ROBO1: variants seen among roughly 807,000 people sequenced by gnomAD.
ROBO1 encodes the protein roundabout guidance receptor 1, also known as roundabout homolog 1.
A neutral mutation model predicts 195.9 loss-of-function variants in ROBO1; 149 were observed. That is an observed-to-expected ratio of 0.76 (90% CI 0.67 to 0.87). ROBO1 has a LOEUF of 0.87. Ranked by LOEUF, ROBO1 falls within the 40% of genes least tolerant of loss-of-function variation. The probability of loss-of-function intolerance (pLI) is 0.00; values close to 1 mark genes in which losing one functional copy is unlikely to be tolerated. For synonymous variants in ROBO1, 816 were observed against 733.2 expected (o/e 1.11, Z -1.82); for missense variants, 1,933 against 2,068.3 (o/e 0.93, Z 1.27).
intron 3 of ROBO1, among the ~76,000 whole-genome samples, chr3:79,033,863 G>A (rs1394145541): frequency 6.6e-6 from 1 of 152,060 alleles, no homozygotes; most frequent in Non-Finnish European, 1.5e-5. Flanking sequence ...TAAAACTCGA[G>A]CCATGGTTCT....
chr3:79,008,888 C>CATGTGTGTGTGTGT (rs1553656471), intron 3 of ROBO1, among the ~76,000 whole-genome samples: 1 of 121,230 alleles, frequency 8.2e-6, no homozygotes, highest in African/African-American at 3.2e-5. Flanking sequence ...TGCACCCAGC[C>CATGTGTGTGTGTGT]GTGTGTGTGT....
intron 1 of ROBO1, among the ~76,000 whole-genome samples, chr3:79,670,498 T>C (rs1946601726): frequency 6.6e-6 from 1 of 151,860 alleles, no homozygotes; most frequent in African/African-American, 2.4e-5. Context: ...TATCAACTCA[T>C]ACTCTAAACT....
chr3:79,099,898 T>C (rs988172141), intron 3 of ROBO1, among the ~76,000 whole-genome samples: 1 of 151,782 alleles, frequency 6.6e-6, no homozygotes, highest in Non-Finnish European at 1.5e-5. Context: ...ATGTATTATA[T>C]CCTCTGCAGA....
chr3:79,359,277 AC>A (rs2035674988), intron 2 of ROBO1, among the ~76,000 whole-genome samples: 1 of 151,788 alleles, frequency 6.6e-6, no homozygotes, highest in South Asian at 2.1e-4. Flanking sequence ...TCAAAAACAT[AC>A]CTCACTCTTA....
chr3:79,529,806 G>T (rs1342515485), intron 2 of ROBO1, among the ~76,000 whole-genome samples: 1 of 152,176 alleles, frequency 6.6e-6, no homozygotes, highest in East Asian at 1.9e-4. Context: ...TTGAAAAACA[G>T]CCTTCAACAT....
intron 2 of ROBO1, among the ~76,000 whole-genome samples, chr3:79,147,481 T>C (rs1201996376): frequency 6.6e-6 from 1 of 151,970 alleles, no homozygotes; most frequent in Non-Finnish European, 1.5e-5. Flanking sequence ...ATGATATTCC[T>C]TACACAGCTG....
intron 1 of ROBO1, among the ~76,000 whole-genome samples, chr3:79,745,150 C>T (rs1031746381): frequency 2.6e-5 from 4 of 152,148 alleles, no homozygotes; most frequent in Non-Finnish European, 5.9e-5. Flanking sequence ...CCTAACCACT[C>T]AGTCACAGAG....
At position 78,926,495 on chromosome 3, in the gene ROBO1, G is replaced by A. The variant is rs1328564231; in HGVS notation, c.499+12106C>T. On this transcript the variant is annotated intron_variant, in intron 4 of 30. Transcript: ENST00000464233. ...GAAAGTCGGGAAGAATCAATCGCAGGTTTCTGGTCTGGAGGGTTGGATGGA... is the reference window on the plus strand; with the variant it reads ...GAAAGTCGGGAAGAATCAATCGCAGATTTCTGGTCTGGAGGGTTGGATGGA... Among the ~76,000 whole-genome samples, 3 of 152,248 alleles carry A rather than the reference G, an allele frequency of 2.0e-5. No homozygotes were observed. In the East Asian group the frequency reaches 5.8e-4, roughly 29 times the overall value.
intron 2 of ROBO1, among the ~76,000 whole-genome samples, chr3:79,496,903 A>G (rs759142600): frequency 6.6e-6 from 1 of 152,186 alleles, no homozygotes; most frequent in African/African-American, 2.4e-5. Context: ...TCATTTTCCA[A>G]AACTGGTTGT....
chr3:78,642,019 T>A (rs1203566821), intron 21 of ROBO1, among the ~76,000 whole-genome samples: 2 of 144,366 alleles, frequency 1.4e-5, no homozygotes, highest in East Asian at 4.0e-4. Flanking sequence ...TTTGAGGAAG[T>A]CAAGGTCATA....
At chr3:79,729,464 T>G (rs1246256869) in intron 1 of ROBO1, among the ~76,000 whole-genome samples, 1 of 152,236 alleles carries the variant, frequency 6.6e-6, no homozygotes, top group Non-Finnish European at 1.5e-5. Flanking sequence ...TACATATCTA[T>G]TTAAAAACAA....
At chr3:79,596,601 A>T (rs1355212278) in intron 1 of ROBO1, among the ~76,000 whole-genome samples, 2 of 152,102 alleles carry the variant, frequency 1.3e-5, no homozygotes, top group African/African-American at 4.8e-5. Flanking sequence ...TGATGTATTA[A>T]TTATTATTAG....
chr3:79,577,933 A>G (rs554360808), intron 2 of ROBO1, among the ~76,000 whole-genome samples: 4 of 152,020 alleles, frequency 2.6e-5, no homozygotes, highest in African/African-American at 9.6e-5. Flanking sequence ...ACAAAAAACA[A>G]AAAAACCCAA....
intron 2 of ROBO1, among the ~76,000 whole-genome samples, chr3:79,414,197 CTT>C (rs1181137341): frequency 6.6e-6 from 1 of 151,272 alleles, no homozygotes; most frequent in African/African-American, 2.4e-5. Flanking sequence ...CTCTCTCTCT[CTT>C]TCTCTCTCTC....
intron 1 of ROBO1, among the ~76,000 whole-genome samples, chr3:79,714,945 A>G (rs963594042): frequency 2.0e-5 from 3 of 151,566 alleles, no homozygotes; most frequent in Non-Finnish European, 2.9e-5. Context: ...ACATGTATAC[A>G]TATGTAACTA....
chr3:78,790,762 C>T (rs1244097605), intron 4 of ROBO1, among the ~76,000 whole-genome samples: 1 of 152,168 alleles, frequency 6.6e-6, no homozygotes, highest in Non-Finnish European at 1.5e-5. Context: ...TCCTTTAGGA[C>T]CCAAGTTCCT....
intron 21 of ROBO1, among the ~76,000 whole-genome samples, chr3:78,641,576 G>A (rs1575825484): frequency 6.6e-6 from 1 of 152,268 alleles, no homozygotes; most frequent in East Asian, 1.9e-4. Context: ...TAGGAATTCT[G>A]CATCTAGTAA....
chr3:79,268,007 T>A (rs1264070118), intron 2 of ROBO1, among the ~76,000 whole-genome samples: 2 of 151,658 alleles, frequency 1.3e-5, no homozygotes, highest in African/African-American at 4.8e-5. Context: ...ATTAGGAGAA[T>A]GATGTATTTC....
chr3:78,881,517 T>A (rs972549819), intron 4 of ROBO1, among the ~76,000 whole-genome samples: 3 of 152,236 alleles, frequency 2.0e-5, no homozygotes, highest in Admixed American at 2.0e-4. Flanking sequence ...TTGGCTAATT[T>A]TGAAGAGTAT....
Sources: allele counts gnomAD v4.1 joint callset (sites outside exome capture counted in the v4.1 genomes callset), GRCh38; gene constraint gnomAD v4.1.1; transcripts MANE v1.5; gene names NCBI Gene and HGNC (gene_info 2026-07-23, HGNC 2026-07-21).